Variants in N4BP1 observed in about 807,000 individuals in gnomAD.
N4BP1 encodes NEDD4-binding protein 1.
A neutral mutation model predicts 70.9 loss-of-function variants in N4BP1; 21 were observed. The observed-to-expected ratio is 0.30, with a 90% CI of 0.21 to 0.43. N4BP1 has a LOEUF of 0.43. Ranked by LOEUF, N4BP1 falls within the 20% of genes least tolerant of loss-of-function variation. The pLI is 1.00. For synonymous variants in N4BP1, 387 were observed against 394.6 expected, an observed-to-expected ratio of 0.98 and a Z score of 0.23; for missense variants, 936 against 1,069.4, an observed-to-expected ratio of 0.88 and a Z score of 1.74.
intron 1 of N4BP1, among the ~76,000 whole-genome samples, chr16:48,601,438 A>G (rs1964496686): frequency 6.6e-6 from 1 of 152,190 alleles, no homozygotes; most frequent in South Asian, 2.1e-4. Flanking sequence ...TGGGTACAAC[A>G]TCTGTTCATT....
chr16:48,584,647 T>C (rs1964217488), intron 1 of N4BP1, among the ~76,000 whole-genome samples: 1 of 151,362 alleles, frequency 6.6e-6, no homozygotes, highest in Non-Finnish European at 1.5e-5. Flanking sequence ...TAGTGATACA[T>C]GCCTGTATTC....
At chr16:48,564,461 A>C (rs926141924) in intron 1 of N4BP1, among the ~76,000 whole-genome samples, 1 of 152,188 alleles carries the variant, frequency 6.6e-6, no homozygotes, top group African/African-American at 2.4e-5. Context: ...TTTGTCAAAA[A>C]ATCACTTTGC....
rs750355255 is a variant in N4BP1, at chr16:48,594,001, C to CAAAAAAAAAAAAA, written c.198+15761_198+15773dup. Among the ~76,000 whole-genome samples, 108 of 42,516 alleles carry CAAAAAAAAAAAAA rather than the reference C, an allele frequency of 2.5e-3. 12 individuals carry two copies. Among genetic ancestry groups the CAAAAAAAAAAAAA allele is most frequent in the African/African-American group, 9.3e-3 (105 of 11,334 alleles). The allele number at this position is 42,516 out of a possible 152,430, so 27.9% of individuals were successfully genotyped here. On this transcript the variant is annotated intron_variant, in intron 1 of 6. Transcript: ENST00000262384. ...TGGGTGCCAGAGCAAGACTCCGTCT[C>CAAAAAAAAAAAAA]AAAAAAAAAAAAAAAAACAAAAAAA...
At chr16:48,569,402 T>C (rs759725812) in intron 1 of N4BP1, among the ~76,000 whole-genome samples, 6 of 152,072 alleles carry the variant, frequency 3.9e-5, no homozygotes, top group Non-Finnish European at 8.8e-5. Context: ...TATTTAATTT[T>C]TATTTTTGAG....
intron 3 of N4BP1, among the ~76,000 whole-genome samples, chr16:48,552,740 A>AAAAAAAT (rs1963694241): frequency 2.5e-5 from 3 of 121,104 alleles, no homozygotes; most frequent in African/African-American, 6.5e-5. Flanking sequence ...AAAAAAAAAG[A>AAAAAAAT]CTCCTTCAGG....
At chr16:48,558,744 G>C (rs1963796255) in intron 2 of N4BP1, among the ~76,000 whole-genome samples, 1 of 152,170 alleles carries the variant, frequency 6.6e-6, no homozygotes, top group African/African-American at 2.4e-5. Flanking sequence ...TTCCGGGCTT[G>C]GGGTGTGGGT....
chr16:48,602,066 A>G (rs1292265413), intron 1 of N4BP1, among the ~76,000 whole-genome samples: 1 of 152,212 alleles, frequency 6.6e-6, no homozygotes, highest in Non-Finnish European at 1.5e-5. Flanking sequence ...CTACCAAAAA[A>G]TACAAAAATT....
chr16:48,551,866 A>G (rs1963670604), intron 3 of N4BP1, among the ~76,000 whole-genome samples: 1 of 152,080 alleles, frequency 6.6e-6, no homozygotes, highest in Non-Finnish European at 1.5e-5. Flanking sequence ...TAAAAATACA[A>G]AATTAGCCAG....
intron 3 of N4BP1, among the ~76,000 whole-genome samples, chr16:48,552,795 C>T (rs1963695378): frequency 7.1e-6 from 1 of 140,792 alleles, no homozygotes; most frequent in African/African-American, 2.6e-5. Flanking sequence ...TGCTTCATTC[C>T]TTATGTACCC....
rs766610191 is a variant in N4BP1 at position 48,560,847 on chromosome 16, G to A, written c.1796C>T (p.Thr599Ile). 1 of 1,613,934 alleles carries A rather than the reference G, an allele frequency of 6.2e-7. No homozygotes were observed. The highest frequency in any genetic ancestry group is 2.2e-5 in the East Asian group (1 of 44,884). ...TTCCAGCTTGTAGGGTATTTTTAGA[G>A]TATCTCGAAACCTTTGAACCCCAGT... The part of the protein sequence containing the change: ...SVTGVQRFRD[T>I]LKIPYKLELK... Residue 599 changes from threonine (T) to isoleucine (I), a missense_variant, in exon 2 of 7, where the codon ACT becomes ATT. Thr to Ile is a moderately conservative substitution (Grantham distance 89). Around this residue, in one of 4 missense-constraint regions of N4BP1, gnomAD observed 515 missense variants for 491.7 expected, o/e 1.05. Transcript: ENST00000262384.
intron 1 of N4BP1, among the ~76,000 whole-genome samples, chr16:48,584,610 C>CAA (rs3884288): frequency 0.36 from 53,566 of 149,468 alleles, 9,678 homozygotes; most frequent in African/African-American, 0.42. Context: ...CTTTTAAGGA[C>CAA]AAAAAAAAAC....
At position 48,560,859 on chromosome 16, in the gene N4BP1, C is replaced by T; in HGVS notation, c.1784G>A (p.Arg595Lys). 1 of 1,613,962 alleles carries T rather than the reference C, an allele frequency of 6.2e-7. No individual in the cohort carries two copies. The highest frequency in any genetic ancestry group is 8.5e-7 in the Non-Finnish European group (1 of 1,179,872). Residue 595 changes from arginine to lysine, a missense_variant, in exon 2 of 7, where the codon AGG becomes AAG. Physicochemically the swap from Arg to Lys is conservative, Grantham distance 26. Around this residue, in one of 4 missense-constraint regions of N4BP1, gnomAD observed 515 missense variants for 491.7 expected, o/e 1.05. Transcript: ENST00000262384. ...GGGTATTTTTAGAGTATCTCGAAAC[C>T]TTTGAACCCCAGTAACTGAGGAATC... ...HIDSSVTGVQ[R>K]FRDTLKIPYK...
intron 1 of N4BP1, among the ~76,000 whole-genome samples, chr16:48,587,715 A>G (rs916631836): frequency 2.6e-5 from 4 of 152,204 alleles, no homozygotes; most frequent in East Asian, 3.9e-4. Flanking sequence ...CTGGAATTAC[A>G]TAAGAATTTT....
rs537179596 is a variant in N4BP1 at position 48,571,087 on chromosome 16, T to C, written c.199-8643A>G. On this transcript the variant is annotated intron_variant, in intron 1 of 6. Transcript: ENST00000262384. ...TATTAAAGGCGTGAGCCACTGTGCCTGGGCAGCTTACTCTATCTTATCCAG... is the reference window on the plus strand; with the variant it reads ...TATTAAAGGCGTGAGCCACTGTGCCCGGGCAGCTTACTCTATCTTATCCAG... Among the ~76,000 whole-genome samples, 8 of 152,342 alleles carry C rather than the reference T, an allele frequency of 5.3e-5. No individual in the cohort carries two copies. In the South Asian group the frequency reaches 1.7e-3, roughly 32 times the overall value.
chr16:48,573,582 G>T (rs932317643), intron 1 of N4BP1, among the ~76,000 whole-genome samples: 1 of 152,036 alleles, frequency 6.6e-6, no homozygotes, highest in Non-Finnish European at 1.5e-5. Context: ...AACAGAGTGA[G>T]ACTTTGTCTC....
intron 2 of N4BP1, among the ~76,000 whole-genome samples, chr16:48,558,710 G>C (rs972063466): frequency 6.6e-6 from 1 of 152,220 alleles, no homozygotes; most frequent in African/African-American, 2.4e-5. Flanking sequence ...GTTGGCTCAA[G>C]AAATCGTAAC....
intron 1 of N4BP1, among the ~76,000 whole-genome samples, chr16:48,574,750 T>C (rs149950180): frequency 2.0e-5 from 3 of 152,342 alleles, no homozygotes; most frequent in South Asian, 2.1e-4. Context: ...TGATTTCTCA[T>C]AGCATATACA....
chr16:48,542,605 A>G lies in N4BP1; in HGVS notation c.*299T>C. The G allele has an allele frequency of 3.9e-6, 1 of 256,364 alleles. No individual in the cohort carries two copies. The highest frequency in any genetic ancestry group is 7.3e-6 in the Non-Finnish European group (1 of 136,798). The allele number at this position is 256,364 out of a possible 1,614,324, so 15.9% of individuals were successfully genotyped here. A position where few individuals can be genotyped will look rare whatever the true frequency, so the allele number is the denominator to read the frequency against. On this transcript the variant is annotated 3_prime_UTR_variant, in exon 7 of 7. Coordinates refer to ENST00000262384, the MANE Select transcript of N4BP1 (RefSeq NM_153029.4). ...TTCGGCTTTAAGGAAAATAGTTTAAAAAACATAAAAAGGTAAATACACTCA... is the reference window on the plus strand; with the variant it reads ...TTCGGCTTTAAGGAAAATAGTTTAAGAAACATAAAAAGGTAAATACACTCA...
chr16:48,582,499 G>A (rs766044734), intron 1 of N4BP1, among the ~76,000 whole-genome samples: 4 of 152,060 alleles, frequency 2.6e-5, no homozygotes, highest in Non-Finnish European at 5.9e-5. Flanking sequence ...GAGTAGTAAC[G>A]TTGGCAATTT....
Sources: gnomAD v4.1 joint callset for allele counts (sites outside exome capture counted in the v4.1 genomes callset) on GRCh38, gnomAD v4.1.1 for gene constraint, gnomAD v4.1.1 regional missense constraint, MANE v1.5 for transcripts, NCBI Gene and HGNC (gene_info 2026-07-23, HGNC 2026-07-21) for gene names.